Variants in GAB1 observed in about 807,000 individuals in gnomAD.
GAB1 encodes GRB2 associated binding protein 1.
Under a neutral mutation model 66.5 loss-of-function variants are expected in GAB1, and 19 were observed. The ratio of observed to expected loss-of-function variants is 0.29; its 90% CI spans 0.20 to 0.42. GAB1 has a LOEUF of 0.42. Among genes scored for constraint, GAB1 ranks in the 10% least tolerant of loss-of-function variants. GAB1 has a pLI of 1.00. For synonymous variants in GAB1, 294 were observed against 301.4 expected (o/e 0.98, Z 0.25); for missense variants, 732 against 858.5 (o/e 0.85, Z 1.84).
rs1728675700 is a variant in GAB1 at position 143,337,094 on chromosome 4, G to A, written c.-95G>A. 9.0e-7 allele frequency: 1 copy of A among 1,110,356 alleles called. No individual in the cohort carries two copies. The highest frequency in any genetic ancestry group is 2.6e-5 in the East Asian group (1 of 37,858). The allele number at this position is 1,110,356 out of a possible 1,614,324, so 68.8% of individuals were successfully genotyped here. On this transcript the variant is annotated 5_prime_UTR_variant, in exon 1 of 10. Coordinates refer to ENST00000262994, the MANE Select transcript of GAB1 (RefSeq NM_002039.4). ...CGGGGTGCGCGACCAGGAGAGCTAG[G>A]TTCTCGCCACTGCGCGCTCGGCAGG...
rs150623289 is a variant in GAB1, at chr4:143,438,042, T to A, written c.637T>A (p.Cys213Ser). 17 of 1,613,930 alleles carry A rather than the reference T, an allele frequency of 1.1e-5. No individual in the cohort carries two copies. In the Admixed American group the frequency reaches 2.7e-4, roughly 25 times the overall value. The change falls in exon 4 of 10, where the codon TGC becomes AGC. Residue 213 changes from cysteine (C) to serine (S), a missense_variant. Transcript: ENST00000262994. The part of the protein sequence containing the change: ...SAKSTSSETD[C>S]NDNVPSHKNP... Reference sequence around the variant, plus strand: ...AAAATCCACCTCTTCTGAAACAGACTGCAATGATAACGTCCCTTCTCATAA... The same window carrying A: ...AAAATCCACCTCTTCTGAAACAGACAGCAATGATAACGTCCCTTCTCATAA...
chr4:143,439,570 C>G, intron 4 of GAB1: 1 of 449,262 alleles, frequency 2.2e-6, no homozygotes, highest in Non-Finnish European at 4.0e-6. Context: ...GACATTCACT[C>G]ACACTCAAAA....
At chr4:143,346,178 C>T (rs906718565) in intron 1 of GAB1, among the ~76,000 whole-genome samples, 2 of 152,232 alleles carry the variant, frequency 1.3e-5, no homozygotes, top group Admixed American at 1.3e-4. Context: ...CCAATCTTTA[C>T]ACACACATTC....
chr4:143,380,927 G>T (rs531736631), intron 1 of GAB1, among the ~76,000 whole-genome samples: 1 of 152,314 alleles, frequency 6.6e-6, no homozygotes, highest in South Asian at 2.1e-4. Flanking sequence ...TTTTGCTGTT[G>T]TGTTGGAATT....
chr4:143,440,175 T>C lies in GAB1; in HGVS notation c.1378T>C (p.Ser460Pro). The change falls in exon 6 of 10, where the codon TCC (serine) becomes CCC (proline). Residue 460 changes from serine to proline, a missense_variant. Coordinates refer to ENST00000262994, the MANE Select transcript of GAB1 (RefSeq NM_002039.4). ...TCCCAATTCACCACCACGACAACAT[T>C]CCAGCAGTTTTACAGAACCAATTCA... ...MNPNSPPRQH[S>P]SSFTEPIQEA... The C allele has an allele frequency of 6.2e-7, 1 of 1,614,124 alleles. No individual in the cohort carries two copies. Among genetic ancestry groups the C allele is most frequent in the East Asian group, 2.2e-5 (1 of 44,876 alleles).
rs1288110004 is a variant in GAB1 at position 143,438,459 on chromosome 4, C to T, written c.1054C>T (p.His352Tyr). ...PPRPPKPHPA[H>Y]DRSPVETCSI... ...TCGGCCACCGAAACCACATCCAGCT[C>T]ATGACCGATCTCCTGTGGAAACGTG... is the stretch of plus-strand genomic sequence containing the variant. The change falls in exon 4 of 10, where the codon CAT becomes TAT. Residue 352 changes from histidine (H) to tyrosine (Y), a missense_variant. Around this residue, in one of 4 missense-constraint regions of GAB1, gnomAD observed 427 missense variants for 420.6 expected, o/e 1.02. Transcript: ENST00000262994. The T allele has an allele frequency of 6.2e-7, 1 of 1,613,978 alleles. No homozygotes were observed. Among genetic ancestry groups the T allele is most frequent in the Non-Finnish European group, 8.5e-7 (1 of 1,180,016 alleles).
chr4:143,455,011 T>A (rs1735108374), intron 6 of GAB1, among the ~76,000 whole-genome samples: 1 of 152,174 alleles, frequency 6.6e-6, no homozygotes, highest in South Asian at 2.1e-4. Flanking sequence ...TAATTTTTCA[T>A]AGGCCGTGAT....
At position 143,465,071 on chromosome 4, in the gene GAB1, C is replaced by T. The variant is rs550849864; in HGVS notation, c.1804-1032C>T. On this transcript the variant is annotated intron_variant, in intron 8 of 9. Coordinates refer to ENST00000262994, the MANE Select transcript of GAB1 (RefSeq NM_002039.4). Reference sequence around the variant, plus strand: ...GGATGAAATTCCCTAATGAGAAATACACAGTCTTGCGTATGAGAAGCCAAG... The same window carrying T: ...GGATGAAATTCCCTAATGAGAAATATACAGTCTTGCGTATGAGAAGCCAAG... 1.1e-4 allele frequency among the ~76,000 whole-genome samples: 16 copies of T among 152,212 alleles called. No homozygotes were observed. The South Asian group carries it at 3.3e-3, about 32-fold the overall frequency.
chr4:143,352,567 A>G (rs996293838), intron 1 of GAB1, among the ~76,000 whole-genome samples: 1 of 152,174 alleles, frequency 6.6e-6, no homozygotes, highest in Non-Finnish European at 1.5e-5. Flanking sequence ...GTGCATAACA[A>G]TCACTGGGTA....
intron 6 of GAB1, among the ~76,000 whole-genome samples, chr4:143,448,885 G>A (rs1269527247): frequency 2.2e-4 from 33 of 151,176 alleles, no homozygotes; most frequent in Non-Finnish European, 5.9e-5. Context: ...TGATGTTAGG[G>A]TGTCAATTTT....
rs1553945119 is a variant in GAB1 at position 143,367,719 on chromosome 4, G to GTGTT, written c.72+30460_72+30461insGTTT. ...AGATAGAAGTGCAAATCAGATGAGGGTTTTTTTTTTTTTTTTTTTTTTGGA... is the reference window on the plus strand; with the variant it reads ...AGATAGAAGTGCAAATCAGATGAGGGTGTTTTTTTTTTTTTTTTTTTTTTTTGGA... On this transcript the variant is annotated intron_variant, in intron 1 of 9. Transcript: ENST00000262994. 3.3e-3 allele frequency among the ~76,000 whole-genome samples: 311 copies of GTGTT among 94,666 alleles called. 5 individuals carry two copies. Among genetic ancestry groups the GTGTT allele is most frequent in the African/African-American group, 0.012 (287 of 23,196 alleles). The allele number at this position is 94,666 out of a possible 152,430, so 62.1% of individuals were successfully genotyped here.
intron 6 of GAB1, among the ~76,000 whole-genome samples, chr4:143,449,048 C>G (rs1262716332): frequency 6.6e-6 from 1 of 151,374 alleles, no homozygotes; most frequent in Non-Finnish European, 1.5e-5. Flanking sequence ...TCGTTATGTA[C>G]CCAGTAGTCA....
intron 8 of GAB1, among the ~76,000 whole-genome samples, chr4:143,462,702 C>T (rs1266041283): frequency 6.6e-6 from 1 of 151,762 alleles, no homozygotes; most frequent in East Asian, 1.9e-4. Context: ...TTTCTGTCAC[C>T]TAGGCTGGAA....
chr4:143,418,485 A>G (rs1038007108), intron 2 of GAB1, among the ~76,000 whole-genome samples: 2 of 152,228 alleles, frequency 1.3e-5, no homozygotes, highest in Non-Finnish European at 2.9e-5. Context: ...TTTAGACAGC[A>G]CATTAGTTTT....
chr4:143,406,813 A>C (rs114131056), intron 1 of GAB1, among the ~76,000 whole-genome samples: 147 of 152,332 alleles, frequency 9.6e-4, no homozygotes, highest in African/African-American at 3.5e-3. Flanking sequence ...CCTCTTGGTT[A>C]GGGTAAGAAA....
chr4:143,362,084 C>T (rs953139844), intron 1 of GAB1, among the ~76,000 whole-genome samples: 2 of 151,798 alleles, frequency 1.3e-5, no homozygotes, highest in Non-Finnish European at 2.9e-5. Flanking sequence ...TAATGATTTT[C>T]CAAACATAGG....
intron 6 of GAB1, among the ~76,000 whole-genome samples, chr4:143,455,494 G>A (rs753802956): frequency 3.9e-5 from 6 of 152,166 alleles, no homozygotes; most frequent in Non-Finnish European, 8.8e-5. Flanking sequence ...GATAACTATG[G>A]TGAAAAAAAT....
chr4:143,341,601 G>A (rs573187594), intron 1 of GAB1, among the ~76,000 whole-genome samples: 1 of 152,358 alleles, frequency 6.6e-6, no homozygotes, highest in Non-Finnish European at 1.5e-5. Context: ...GCCCCAGCCA[G>A]TTCTTAGGTA....
chr4:143,392,879 T>G (rs1026163014), intron 1 of GAB1, among the ~76,000 whole-genome samples: 3 of 152,178 alleles, frequency 2.0e-5, no homozygotes, highest in African/African-American at 7.2e-5. Flanking sequence ...TCTGAGGTTT[T>G]TTACTTCTGA....
Sources: allele counts gnomAD v4.1 joint callset (sites outside exome capture counted in the v4.1 genomes callset), GRCh38; gene constraint gnomAD v4.1.1; regional missense constraint gnomAD v4.1.1; transcripts MANE v1.5; gene names NCBI Gene and HGNC (gene_info 2026-07-23, HGNC 2026-07-21).